The following MGAT4C variants were observed in gnomAD, a reference collection of about 807,000 sequenced individuals.
MGAT4C encodes alpha-1,3-mannosyl-glycoprotein 4-beta-N-acetylglucosaminyltransferase C.
MGAT4C carries 19 observed loss-of-function variants against 40.1 expected under a neutral mutation model. That is an observed-to-expected ratio of 0.47 (90% confidence interval 0.33 to 0.70). The LOEUF is 0.70. Ranked by LOEUF, MGAT4C falls within the 30% of genes least tolerant of loss-of-function variation. The pLI is 0.02. For missense variants in MGAT4C, 491 were observed against 563.2 expected (o/e 0.87, Z 1.30); for synonymous variants, 181 against 187.1 (o/e 0.97, Z 0.27).
intron 4 of MGAT4C, among the ~76,000 whole-genome samples, chr12:86,310,224 T>G (rs1171381735): frequency 6.6e-6 from 1 of 152,030 alleles, no homozygotes; most frequent in Non-Finnish European, 1.5e-5. Flanking sequence ...GTAAGAAGAA[T>G]GTGGCCAGTG....
chr12:86,291,900 T>C (rs536033412), intron 4 of MGAT4C, among the ~76,000 whole-genome samples: 5 of 152,318 alleles, frequency 3.3e-5, no homozygotes, highest in African/African-American at 1.2e-4. Context: ...GGGTAGACTA[T>C]AACAAAGACA....
intron 2 of MGAT4C, among the ~76,000 whole-genome samples, chr12:86,595,471 C>A (rs1222394175): frequency 6.7e-6 from 1 of 150,126 alleles, no homozygotes; most frequent in East Asian, 2.0e-4. Flanking sequence ...GCGGAGGTTG[C>A]AGTGAGCAGA....
At chr12:86,720,030 T>C (rs1950712286) in intron 2 of MGAT4C, among the ~76,000 whole-genome samples, 1 of 152,186 alleles carries the variant, frequency 6.6e-6, no homozygotes, top group African/African-American at 2.4e-5. Context: ...TGATCTTTCA[T>C]TATAAAACAT....
intron 2 of MGAT4C, among the ~76,000 whole-genome samples, chr12:86,569,802 C>T (rs1002260397): frequency 6.6e-6 from 1 of 151,922 alleles, no homozygotes; most frequent in Non-Finnish European, 1.5e-5. Context: ...GACTGGCAAT[C>T]GATGAAGGGA....
intron 1 of MGAT4C, among the ~76,000 whole-genome samples, chr12:86,187,903 T>C (rs1309509986): frequency 6.6e-6 from 1 of 152,044 alleles, no homozygotes; most frequent in Non-Finnish European, 1.5e-5. Flanking sequence ...TAGGAGGAAA[T>C]TCTCTCGACA....
At chr12:86,721,865 T>C (rs193092054) in intron 2 of MGAT4C, among the ~76,000 whole-genome samples, 10 of 152,236 alleles carry the variant, frequency 6.6e-5, no homozygotes, top group African/African-American at 2.4e-4. Flanking sequence ...TAATACTGTA[T>C]GTTTTAAAGG....
chr12:86,821,719 A>G (rs1306424460), intron 1 of MGAT4C, among the ~76,000 whole-genome samples: 1 of 151,018 alleles, frequency 6.6e-6, no homozygotes, highest in Non-Finnish European at 1.5e-5. Context: ...TTGTTAAAAA[A>G]TAAAAATATC....
intron 1 of MGAT4C, among the ~76,000 whole-genome samples, chr12:86,746,814 T>C (rs1019836490): frequency 6.6e-5 from 10 of 151,570 alleles, no homozygotes; most frequent in Admixed American, 5.3e-4. Flanking sequence ...ATAGGTAATG[T>C]CTCCTTCTGA....
intron 1 of MGAT4C, among the ~76,000 whole-genome samples, chr12:86,766,010 C>T (rs1234771731): frequency 1.3e-5 from 2 of 152,184 alleles, no homozygotes; most frequent in African/African-American, 4.8e-5. Flanking sequence ...CAAATTCACA[C>T]ATAACAATAT....
In MGAT4C at chr12:86,095,956, G is replaced by T. The variant is rs1015492882; in HGVS notation, c.-56-46233C>A. Among the ~76,000 whole-genome samples, 6 of 151,724 alleles carry T rather than the reference G, an allele frequency of 4.0e-5. No individual in the cohort carries two copies. In the East Asian group the frequency reaches 9.7e-4, roughly 24 times the overall value. ...CTCTAATCCTTTGGTTGCCTAAAGG[G>T]TAGAGCTCATTAGAACAATATTTCT... is the stretch of plus-strand genomic sequence containing the variant. On this transcript the variant is annotated intron_variant, in intron 1 of 4. Transcript: ENST00000611864.
chr12:86,338,973 A>AAC (rs1237466158), intron 3 of MGAT4C, among the ~76,000 whole-genome samples: 1 of 151,064 alleles, frequency 6.6e-6, no homozygotes, highest in Non-Finnish European at 1.5e-5. Context: ...AAAAAAAAAA[A>AAC]AAAAAAAAAC....
intron 2 of MGAT4C, among the ~76,000 whole-genome samples, chr12:86,465,917 C>T (rs1957674300): frequency 6.6e-6 from 1 of 151,944 alleles, no homozygotes; most frequent in African/African-American, 2.4e-5. Flanking sequence ...CCATCAAAAA[C>T]CTAAATGTAG....
At chr12:86,697,518 T>C (rs1203348997) in intron 2 of MGAT4C, among the ~76,000 whole-genome samples, 1 of 152,040 alleles carries the variant, frequency 6.6e-6, no homozygotes, top group Non-Finnish European at 1.5e-5. Flanking sequence ...ATAAAATTTA[T>C]CCAAGGTGTT....
At chr12:86,497,678 A>C (rs1207117328) in intron 2 of MGAT4C, among the ~76,000 whole-genome samples, 2 of 151,630 alleles carry the variant, frequency 1.3e-5, no homozygotes, top group Non-Finnish European at 2.9e-5. Flanking sequence ...CATAGGACTC[A>C]GGTTACATTT....
At chr12:86,030,511 A>G (rs1890647611) in intron 2 of MGAT4C, among the ~76,000 whole-genome samples, 1 of 151,752 alleles carries the variant, frequency 6.6e-6, no homozygotes, top group Admixed American at 6.6e-5. Flanking sequence ...AAAAACACTG[A>G]AAAGGTTTAC....
intron 2 of MGAT4C, among the ~76,000 whole-genome samples, chr12:86,652,497 T>C (rs1283602393): frequency 2.0e-5 from 3 of 151,834 alleles, no homozygotes; most frequent in Non-Finnish European, 4.4e-5. Flanking sequence ...AAGCAAGAGA[T>C]TGGGAAGCCT....
intron 3 of MGAT4C, among the ~76,000 whole-genome samples, chr12:86,352,261 G>C (rs1481003797): frequency 1.3e-5 from 2 of 151,796 alleles, no homozygotes. Flanking sequence ...GCTTAAACAT[G>C]GCAAGTTATT....
intron 1 of MGAT4C, among the ~76,000 whole-genome samples, chr12:86,814,131 C>T (rs1323865259): frequency 6.6e-6 from 1 of 151,840 alleles, no homozygotes; most frequent in Non-Finnish European, 1.5e-5. Flanking sequence ...AGGCTGGTCA[C>T]AAACTCCTGA....
At chr12:86,764,858 C>T (rs1408834138) in intron 1 of MGAT4C, among the ~76,000 whole-genome samples, 4 of 152,018 alleles carry the variant, frequency 2.6e-5, no homozygotes, top group Non-Finnish European at 4.4e-5. Context: ...CACCAAAAAC[C>T]CATCTGTACA....
Sources: gnomAD v4.1 joint callset for allele counts (sites outside exome capture counted in the v4.1 genomes callset) on GRCh38, gnomAD v4.1.1 for gene constraint, MANE v1.5 for transcripts, NCBI Gene and HGNC (gene_info 2026-07-23, HGNC 2026-07-21) for gene names.